Variants in SEMA3A observed in about 807,000 individuals in gnomAD.
SEMA3A encodes the protein semaphorin-3A.
A neutral mutation model predicts 97.9 loss-of-function variants in SEMA3A; 29 were observed. The observed-to-expected ratio is 0.30, with a 90% CI of 0.22 to 0.40. SEMA3A has a LOEUF of 0.40. Ranked by LOEUF, SEMA3A falls within the 10% of genes least tolerant of loss-of-function variation. SEMA3A has a pLI of 1.00. For missense variants in SEMA3A, 763 were observed against 951.3 expected (o/e 0.80, Z 2.60); for synonymous variants, 321 against 323.7 (o/e 0.99, Z 0.09).
intron 3 of SEMA3A, among the ~76,000 whole-genome samples, chr7:84,293,552 A>T (rs750642226): frequency 3.9e-5 from 6 of 152,042 alleles, no homozygotes; most frequent in Non-Finnish European, 7.4e-5. Flanking sequence ...TTTTGTTAAA[A>T]ATCTTAATTT....
chr7:84,106,958 G>C (rs183730553), intron 4 of SEMA3A, among the ~76,000 whole-genome samples: 2 of 152,074 alleles, frequency 1.3e-5, no homozygotes, highest in Admixed American at 1.3e-4. Context: ...AAGGAGATTC[G>C]TCTTTCATTA....
At chr7:84,222,921 T>C (rs2116340135) in intron 3 of SEMA3A, among the ~76,000 whole-genome samples, 1 of 152,022 alleles carries the variant, frequency 6.6e-6, no homozygotes, top group East Asian at 1.9e-4. Context: ...TAATTATCTG[T>C]TCTTAATAAG....
At chr7:84,243,706 G>A (rs1799418286) in intron 3 of SEMA3A, among the ~76,000 whole-genome samples, 2 of 151,450 alleles carry the variant, frequency 1.3e-5, no homozygotes, top group Non-Finnish European at 3.0e-5. Flanking sequence ...TTGAATTTGT[G>A]TTCTTGCTTC....
rs1250443412 is a variant in SEMA3A, at chr7:84,060,386, C to G, written c.547+79G>C. The G allele has an allele frequency of 9.5e-6, 8 of 842,234 alleles. No individual in the cohort carries two copies. The East Asian group carries it at 2.3e-4, about 24-fold the overall frequency. The allele number at this position is 842,234 out of a possible 1,614,324, so 52.2% of individuals were successfully genotyped here. A position where few individuals can be genotyped will look rare whatever the true frequency, so the allele number is the denominator to read the frequency against. Reference sequence around the variant, plus strand: ...CAATTATTATTTCATAATGGAAAATCTTGGTAGATAAAAAAGAACATACAA... The same window carrying G: ...CAATTATTATTTCATAATGGAAAATGTTGGTAGATAAAAAAGAACATACAA... On this transcript the variant is annotated intron_variant, in intron 5 of 16. Transcript: ENST00000265362.
chr7:84,297,097 C>T (rs1044623344), intron 3 of SEMA3A, among the ~76,000 whole-genome samples: 4 of 152,156 alleles, frequency 2.6e-5, no homozygotes, highest in Non-Finnish European at 4.4e-5. Context: ...CCTGCCTCAG[C>T]CTGCTGAGTA....
chr7:84,161,596 A>G (rs1584060717), intron 1 of SEMA3A, among the ~76,000 whole-genome samples: 1 of 152,232 alleles, frequency 6.6e-6, no homozygotes, highest in East Asian at 1.9e-4. Context: ...GTGTGAAATG[A>G]TTTCATTGTA....
intron 1 of SEMA3A, among the ~76,000 whole-genome samples, chr7:84,146,409 G>A (rs1796464449): frequency 6.6e-6 from 1 of 152,034 alleles, no homozygotes; most frequent in Admixed American, 6.6e-5. Context: ...CACATTCGAT[G>A]CTCTTTCTAA....
At chr7:84,385,498 C>A (rs1389526532) in intron 1 of SEMA3A, among the ~76,000 whole-genome samples, 2 of 152,188 alleles carry the variant, frequency 1.3e-5, no homozygotes, top group African/African-American at 4.8e-5. Flanking sequence ...ATTGCTAGTA[C>A]AACTTTCAAA....
intron 3 of SEMA3A, among the ~76,000 whole-genome samples, chr7:84,241,374 CAT>C (rs1282933984): frequency 1.3e-5 from 2 of 152,002 alleles, no homozygotes; most frequent in Non-Finnish European, 1.5e-5. Context: ...AGCTTTTTTT[CAT>C]ATGTTTATTG....
At chr7:84,047,331 A>G (rs1792396068) in intron 5 of SEMA3A, among the ~76,000 whole-genome samples, 1 of 152,072 alleles carries the variant, frequency 6.6e-6, no homozygotes, top group Admixed American at 6.6e-5. Context: ...TTTGTCAGCC[A>G]GTCGGCACTG....
chr7:84,351,884 G>T (rs958128638), intron 2 of SEMA3A, among the ~76,000 whole-genome samples: 1 of 152,036 alleles, frequency 6.6e-6, no homozygotes, highest in Admixed American at 6.6e-5. Context: ...ATACCTGAAA[G>T]AAAGGAAATC....
chr7:84,302,017 A>G (rs192236842), intron 3 of SEMA3A, among the ~76,000 whole-genome samples: 1 of 152,278 alleles, frequency 6.6e-6, no homozygotes, highest in Admixed American at 6.5e-5. Flanking sequence ...CAAAAGATGG[A>G]AACAACTATA....
At position 83,956,751 on chromosome 7, in the gene SEMA3A, C is replaced by T. The variant is rs1174879397; in HGVS notation, c.*4620G>A. ...TGTTTTATCTGTTTGAATGCTTGTT[C>T]TCAGAAAAAGGACTTTTTTTCACAC... On this transcript the variant is annotated 3_prime_UTR_variant, in exon 17 of 17. Coordinates refer to ENST00000265362, the MANE Select transcript of SEMA3A (RefSeq NM_006080.3). 6.6e-6 allele frequency: 1 copy of T among 152,050 alleles called. No individual in the cohort carries two copies. Among genetic ancestry groups the T allele is most frequent in the Non-Finnish European group, 1.5e-5 (1 of 67,984 alleles). 9.4% of individuals were successfully genotyped at this position (152,050 alleles called of 1,614,324 possible).
At chr7:84,071,312 TAG>T (rs1220522058) in intron 4 of SEMA3A, among the ~76,000 whole-genome samples, 1 of 151,964 alleles carries the variant, frequency 6.6e-6, no homozygotes, top group Non-Finnish European at 1.5e-5. Flanking sequence ...GCACACAATA[TAG>T]AGTCAGCAGT....
rs112425098 is a variant in SEMA3A, at chr7:84,465,093, C to A, written c.-246+27367G>T. 7.2e-5 allele frequency among the ~76,000 whole-genome samples: 11 copies of A among 152,196 alleles called. 1 individual carries two copies. The highest frequency in any genetic ancestry group is 2.6e-4 in the African/African-American group (11 of 41,534). Reference sequence around the variant, plus strand: ...GATTTTACTCTACCATTATTGAATTCTATAATTATACATAAATGTGTCTGG... The same window carrying A: ...GATTTTACTCTACCATTATTGAATTATATAATTATACATAAATGTGTCTGG... On this transcript the variant is annotated intron_variant, in intron 1 of 3. Transcript: ENST00000424555.
intron 2 of SEMA3A, among the ~76,000 whole-genome samples, chr7:84,345,048 G>C (rs1802263493): frequency 6.6e-6 from 1 of 151,964 alleles, no homozygotes; most frequent in Non-Finnish European, 1.5e-5. Context: ...GAATATACAG[G>C]TATACCTCAG....
At chr7:83,980,623 A>AAAT (rs1310318006) in intron 14 of SEMA3A, among the ~76,000 whole-genome samples, 1,048 of 71,720 alleles carry the variant, frequency 0.015, 84 homozygotes, top group African/African-American at 0.084. Context: ...AAAAAAAAAA[A>AAAT]ATATATATAT....
chr7:84,281,761 A>T (rs1202385746), intron 3 of SEMA3A, among the ~76,000 whole-genome samples: 1 of 152,126 alleles, frequency 6.6e-6, no homozygotes, highest in Non-Finnish European at 1.5e-5. Context: ...TAGCTTTCTT[A>T]TCTCAATGTC....
chr7:84,025,049 T>C (rs945738917), intron 6 of SEMA3A, among the ~76,000 whole-genome samples: 1 of 152,108 alleles, frequency 6.6e-6, no homozygotes, highest in African/African-American at 2.4e-5. Context: ...ATGGTGCCAC[T>C]GCACTCCAGC....
Sources: allele counts gnomAD v4.1 joint callset (sites outside exome capture counted in the v4.1 genomes callset), GRCh38; gene constraint gnomAD v4.1.1; transcripts MANE v1.5; gene names NCBI Gene and HGNC (gene_info 2026-07-23, HGNC 2026-07-21).